Variants in AURKC observed in about 807,000 individuals in gnomAD.
AURKC encodes the protein aurora kinase C, also known as ARK-3.
In AURKC, 15 loss-of-function variants were observed where a neutral mutation model predicts 29.2. The ratio of observed to expected loss-of-function variants is 0.51; its 90% confidence interval spans 0.34 to 0.79. The LOEUF (loss-of-function observed/expected upper bound fraction) is 0.79, where lower values mean the gene tolerates loss of function less well. Among genes scored for constraint, AURKC ranks in the 30% least tolerant of loss-of-function variants. The pLI is 0.01. For missense variants in AURKC, 332 were observed against 383.2 expected, an observed-to-expected ratio of 0.87 and a Z score of 1.12; for synonymous variants, 150 against 149.9, an observed-to-expected ratio of 1.00 and a Z score of -0.01.
At position 57,232,320 on chromosome 19, in the gene AURKC, G is replaced by T; in HGVS notation, c.296+96G>T. On this transcript the variant is annotated intron_variant, in intron 3 of 6. Transcript: ENST00000302804. The surrounding 1 kb of genome is among the most constrained non-coding windows in gnomAD (Gnocchi z 4.5). ...CAAGTAAACCCTGCACTTGTACCTT[G>T]AAGACTTCTCTGCAGTTCATTCCAT... The T allele has an allele frequency of 1.3e-6, 2 of 1,501,084 alleles. No individual in the cohort carries two copies. Among genetic ancestry groups the T allele is most frequent in the East Asian group, 4.6e-5 (2 of 43,044 alleles). 93.0% of individuals were successfully genotyped at this position (1,501,084 alleles called of 1,614,324 possible).
In AURKC at chr19:57,232,683, G is replaced by T; in HGVS notation, c.435+3G>T. On this transcript the variant is annotated splice_donor_region_variant and intron_variant, in intron 4 of 6. Coordinates refer to ENST00000302804, the MANE Select transcript of AURKC (RefSeq NM_001015878.2). This position sits in a 1 kb window ranked among gnomAD's most constrained non-coding sequence, Gnocchi z 4.5. ...TAGATGAACAGCGCACAGCCACGGT[G>T]AGGTGCGGGTCTGGAGGCTCTGGGG... The T allele has an allele frequency of 6.2e-7, 1 of 1,613,348 alleles. No homozygotes were observed. Among genetic ancestry groups the T allele is most frequent in the Non-Finnish European group, 8.5e-7 (1 of 1,180,026 alleles).
In AURKC at chr19:57,232,835, C is replaced by T. The variant is rs987670657; in HGVS notation, c.435+155C>T. On this transcript the variant is annotated intron_variant, in intron 4 of 6. Coordinates refer to ENST00000302804, the MANE Select transcript of AURKC (RefSeq NM_001015878.2). The surrounding 1 kb of genome is among the most constrained non-coding windows in gnomAD (Gnocchi z 4.5). ...TTAATATAATGGCACGTATGTTCTA[C>T]AGCTTTATCCTTGGATACCCTAATT... 1.5e-5 allele frequency: 15 copies of T among 994,100 alleles called. No homozygotes were observed. The highest frequency in any genetic ancestry group is 2.0e-5 in the Non-Finnish European group (13 of 656,314). The allele number at this position is 994,100 out of a possible 1,614,324, so 61.6% of individuals were successfully genotyped here.
intron 6 of AURKC, 25 bp downstream of exon 6, chr19:57,235,083 C>T: frequency 6.2e-7 from 1 of 1,613,930 alleles, no homozygotes; most frequent in Non-Finnish European, 8.5e-7. Context: ...TTTGGGCATT[C>T]ATGGGGGAGC....
In AURKC at chr19:57,232,223, C is replaced by T. The variant is rs1177291522; in HGVS notation, c.295C>T (p.Gln99Ter). 1.9e-6 allele frequency: 3 copies of T among 1,613,802 alleles called. No individual in the cohort carries two copies. Among genetic ancestry groups the T allele is most frequent in the Non-Finnish European group, 2.5e-6 (3 of 1,180,032 alleles). ...RREIEIQAHL[Q>*]HPNILRLYNY... is the part of the protein sequence containing the mutation. ...GGAAATTGAGATCCAGGCTCATCTA[C>T]AGTAAGGACAGTCTCTGCTTCCTCT... Residue 99 changes from glutamine (Q) to a stop codon, truncating the protein, a stop_gained and splice_region_variant, in exon 3 of 7, where the codon CAA becomes TAA. Transcript: ENST00000302804. LOFTEE classifies it high-confidence loss of function. The surrounding 1 kb of genome is among the most constrained non-coding windows in gnomAD (Gnocchi z 4.5).
At position 57,235,399 on chromosome 19, in the gene AURKC, T is replaced by C; in HGVS notation, c.912T>C (p.Cys304=). The stretch of plus-strand genomic sequence containing the variant: ...ACTCCCGAAGGGTGCTGCCTCCCTG[T>C]GCTCAGATGGCTTCCTGAGCCCTGT... ...QAHSRRVLPP[C]AQMAS Residue 304 remains cysteine, a synonymous_variant, in exon 7 of 7, where the codon TGT becomes TGC. Coordinates refer to ENST00000302804, the MANE Select transcript of AURKC (RefSeq NM_001015878.2). 1 of 1,613,958 alleles carries C rather than the reference T, an allele frequency of 6.2e-7. No homozygotes were observed. Among genetic ancestry groups the C allele is most frequent in the South Asian group, 1.1e-5 (1 of 91,072 alleles).
At position 57,232,669 on chromosome 19, in the gene AURKC, C is replaced by T. The variant is rs757093824; in HGVS notation, c.424C>T (p.Arg142Cys). ...GAAAAGCGAGAAATTAGATGAACAGCGCACAGCCACGGTGAGGTGCGGGTC... is the reference window on the plus strand; with the variant it reads ...GAAAAGCGAGAAATTAGATGAACAGTGCACAGCCACGGTGAGGTGCGGGTC... ...LQKSEKLDEQ[R>C]TATIIEELAD... The change falls in exon 4 of 7, where the codon CGC becomes TGC. Residue 142 changes from arginine to cysteine, a missense_variant. Coordinates refer to ENST00000302804, the MANE Select transcript of AURKC (RefSeq NM_001015878.2). This position sits in a 1 kb window ranked among gnomAD's most constrained non-coding sequence, Gnocchi z 4.5. 5.0e-6 allele frequency: 8 copies of T among 1,613,638 alleles called. 2 individuals carry two copies. The highest frequency in any genetic ancestry group is 1.8e-4 in the Middle Eastern group (1 of 5,702).
At position 57,231,799 on chromosome 19, in the gene AURKC, G is replaced by A; in HGVS notation, c.104+12G>A. The A allele has an allele frequency of 6.2e-7, 1 of 1,614,034 alleles. No individual in the cohort carries two copies. Among genetic ancestry groups the A allele is most frequent in the Non-Finnish European group, 8.5e-7 (1 of 1,180,028 alleles). On this transcript the variant is annotated intron_variant, in intron 2 of 6. Coordinates refer to ENST00000302804, the MANE Select transcript of AURKC (RefSeq NM_001015878.2). The stretch of plus-strand genomic sequence containing the variant: ...AGCAGCCCAGCCATGTGAGTCCCTT[G>A]GGATTGGTATCTGGAAAAGGAAGGA...
chr19:57,234,053 C>CTTTTT (rs10586926), intron 5 of AURKC, among the ~76,000 whole-genome samples: 169 of 112,496 alleles, frequency 1.5e-3, no homozygotes, highest in Middle Eastern at 6.1e-3. Context: ...TTTTTCTTTT[C>CTTTTT]TTTTTTTTTT....
In AURKC at chr19:57,231,233, C is replaced by T. The variant is rs1208938105; in HGVS notation, c.-16C>T. The stretch of plus-strand genomic sequence containing the variant: ...GAGGGTTCAGGAAGGCGTCCGCGCC[C>T]TCACCTCTTCTCCCCATGAGCTCCC... On this transcript the variant is annotated 5_prime_UTR_variant, in exon 1 of 7. Coordinates refer to ENST00000302804, the MANE Select transcript of AURKC (RefSeq NM_001015878.2). 6.4e-7 allele frequency: 1 copy of T among 1,551,820 alleles called. No homozygotes were observed. The highest frequency in any genetic ancestry group is 1.2e-5 in the South Asian group (1 of 84,062).
In AURKC at chr19:57,235,321, C is replaced by G. The variant is rs2087535794; in HGVS notation, c.834C>G (p.Pro278=). 1 of 1,614,148 alleles carries G rather than the reference C, an allele frequency of 6.2e-7. No individual in the cohort carries two copies. Among genetic ancestry groups the G allele is most frequent in the Non-Finnish European group, 8.5e-7 (1 of 1,180,030 alleles). Residue 278 remains proline (P), a synonymous_variant, in exon 7 of 7, where the codon CCC becomes CCG. Coordinates refer to ENST00000302804, the MANE Select transcript of AURKC (RefSeq NM_001015878.2). ...TTTCCAGGCTTCTCAGATACCAGCC[C>G]TTGGAGAGACTGCCCCTGGCCCAGA... ...DLISRLLRYQ[P]LERLPLAQIL...
intron 4 of AURKC, among the ~76,000 whole-genome samples, chr19:57,233,045 T>C (rs1208454995): frequency 6.6e-6 from 1 of 152,162 alleles, no homozygotes; most frequent in Non-Finnish European, 1.5e-5. Flanking sequence ...TCTAGAGGGT[T>C]CCGGAAAGGG....
Position 57,232,399 on chromosome 19 carries a change from G to A in AURKC, c.297-143G>A, listed in dbSNP as rs2087502082. 10 of 1,455,190 alleles carry A rather than the reference G, an allele frequency of 6.9e-6. No individual in the cohort carries two copies. The highest frequency in any genetic ancestry group is 1.4e-5 in the African/African-American group (1 of 71,800). 90.1% of individuals were successfully genotyped at this position (1,455,190 alleles called of 1,614,324 possible). On this transcript the variant is annotated intron_variant, in intron 3 of 6. Coordinates refer to ENST00000302804, the MANE Select transcript of AURKC (RefSeq NM_001015878.2). This position sits in a 1 kb window ranked among gnomAD's most constrained non-coding sequence, Gnocchi z 4.5. ...ACTCGAATCCTGGTTCCTGTTCTCCGTTCTCCCCTCACTTGCTCCCAGATA... is the reference window on the plus strand; with the variant it reads ...ACTCGAATCCTGGTTCCTGTTCTCCATTCTCCCCTCACTTGCTCCCAGATA...
Position 57,235,318 on chromosome 19 carries a change from G to A in AURKC, c.831G>A (p.Gln277=). 1 of 1,614,070 alleles carries A rather than the reference G, an allele frequency of 6.2e-7. No individual in the cohort carries two copies. The highest frequency in any genetic ancestry group is 2.2e-5 in the East Asian group (1 of 44,862). Residue 277 remains glutamine (Q), a synonymous_variant, in exon 7 of 7, where the codon CAG becomes CAA. Coordinates refer to ENST00000302804, the MANE Select transcript of AURKC (RefSeq NM_001015878.2). Reference sequence around the variant, plus strand: ...TGATTTCCAGGCTTCTCAGATACCAGCCCTTGGAGAGACTGCCCCTGGCCC... The same window carrying A: ...TGATTTCCAGGCTTCTCAGATACCAACCCTTGGAGAGACTGCCCCTGGCCC... ...RDLISRLLRY[Q]PLERLPLAQI...
chr19:57,231,074 G>A lies in AURKC; in HGVS notation c.-175G>A. ...AGGCCGCGCAGCCACGGCTGCTCAC[G>A]ACGCCGCGGATCCCGAAGCCTGTGT... On this transcript the variant is annotated 5_prime_UTR_variant, in exon 1 of 7. Coordinates refer to ENST00000302804, the MANE Select transcript of AURKC (RefSeq NM_001015878.2). 6.8e-7 allele frequency: 1 copy of A among 1,465,896 alleles called. No homozygotes were observed. The highest frequency in any genetic ancestry group is 9.4e-7 in the Non-Finnish European group (1 of 1,067,948). 90.8% of individuals were successfully genotyped at this position (1,465,896 alleles called of 1,614,324 possible).
Position 57,232,008 on chromosome 19 carries a change from G to A in AURKC, c.105-25G>A. 6.2e-7 allele frequency: 1 copy of A among 1,613,918 alleles called. No homozygotes were observed. Among genetic ancestry groups the A allele is most frequent in the Non-Finnish European group, 8.5e-7 (1 of 1,180,018 alleles). On this transcript the variant is annotated intron_variant, in intron 2 of 6. Coordinates refer to ENST00000302804, the MANE Select transcript of AURKC (RefSeq NM_001015878.2). The surrounding 1 kb of genome is among the most constrained non-coding windows in gnomAD (Gnocchi z 4.5). ...CCGCCTACCCTACCTCCCAAGCTGA[G>A]GCTTTTTTCTTCCTCTCCTGTCAGG...
rs919221119 is a variant in AURKC at position 57,232,236 on chromosome 19, C to T, written c.296+12C>T. 6 of 1,613,284 alleles carry T rather than the reference C, an allele frequency of 3.7e-6. No homozygotes were observed. Among genetic ancestry groups the T allele is most frequent in the Middle Eastern group, 1.7e-4 (1 of 6,040 alleles). On this transcript the variant is annotated intron_variant, in intron 3 of 6. Transcript: ENST00000302804. The surrounding 1 kb of genome is among the most constrained non-coding windows in gnomAD (Gnocchi z 4.5). ...CAGGCTCATCTACAGTAAGGACAGTCTCTGCTTCCTCTTTCATCTTTGACG... is the reference window on the plus strand; with the variant it reads ...CAGGCTCATCTACAGTAAGGACAGTTTCTGCTTCCTCTTTCATCTTTGACG...
intron 1 of AURKC, 127 bp downstream of exon 1, chr19:57,231,433 C>A: frequency 9.4e-7 from 1 of 1,065,596 alleles, no homozygotes; most frequent in South Asian, 1.4e-5. Flanking sequence ...TTCTTTTCTC[C>A]CCACTCCCTC....
In AURKC at chr19:57,233,749, C is replaced by CT. The variant is rs1438790042; in HGVS notation, c.584+145dup. On this transcript the variant is annotated intron_variant, in intron 5 of 6. Transcript: ENST00000302804. ...GAATACTGCCTTTTTCTTTTCTTTT[C>CT]TTTTCTTTTTTTTTTTGAGACAGAG... 1.6e-4 allele frequency: 191 copies of CT among 1,206,394 alleles called. No individual in the cohort carries two copies. In the African/African-American group the frequency reaches 2.3e-3, roughly 14 times the overall value. 74.7% of individuals were successfully genotyped at this position (1,206,394 alleles called of 1,614,324 possible).
rs928340709 is a variant in AURKC, at chr19:57,232,177, A to G, written c.249A>G (p.Gly83=). The G allele has an allele frequency of 5.0e-6, 8 of 1,613,942 alleles. No individual in the cohort carries two copies. The Admixed American group carries it at 5.0e-5, about 10-fold the overall frequency. The change falls in exon 3 of 7, where the codon GGA becomes GGG. Residue 83 remains glycine (G), a synonymous_variant. Transcript: ENST00000302804. The surrounding 1 kb of genome is among the most constrained non-coding windows in gnomAD (Gnocchi z 4.5). ...VLFKSQIEKE[G]LEHQLRREIE... ...TCAAGTCGCAGATAGAGAAGGAAGGACTGGAGCACCAGCTGCGCCGGGAAA... is the reference window on the plus strand; with the variant it reads ...TCAAGTCGCAGATAGAGAAGGAAGGGCTGGAGCACCAGCTGCGCCGGGAAA...
Sources: allele counts gnomAD v4.1 joint callset (sites outside exome capture counted in the v4.1 genomes callset), GRCh38; gene constraint gnomAD v4.1.1; non-coding constraint Gnocchi (gnomAD v3.1); transcripts MANE v1.5; gene names NCBI Gene and HGNC (gene_info 2026-07-23, HGNC 2026-07-21).